Variants in AMZ1 observed in about 807,000 individuals in gnomAD.
AMZ1 encodes archaemetzincin-1.
AMZ1 carries 39 observed loss-of-function variants against 29.9 expected under a neutral mutation model. The ratio of observed to expected loss-of-function variants is 1.30; its 90% CI spans 1.01 to 1.70. AMZ1 has a LOEUF of 1.70. Among genes scored for constraint, AMZ1 ranks in the 40% most tolerant of loss-of-function variants. AMZ1 has a pLI of 0.00. For synonymous variants in AMZ1, 458 were observed against 304.0 expected, an observed-to-expected ratio of 1.51 and a Z score of -5.27; for missense variants, 1,041 against 680.6, an observed-to-expected ratio of 1.53 and a Z score of -5.89.
In AMZ1 at chr7:2,710,195, G is replaced by A. The variant is rs532119462; in HGVS notation, c.948+379G>A. 1.5e-3 allele frequency among the ~76,000 whole-genome samples: 215 copies of A among 139,860 alleles called. 1 individual carries two copies. The highest frequency in any genetic ancestry group is 2.5e-3 in the Non-Finnish European group (164 of 66,438). 91.8% of individuals were successfully genotyped at this position (139,860 alleles called of 152,430 possible). The stretch of plus-strand genomic sequence containing the variant: ...CACACTTGGGTCACTGCTGCTCAGA[G>A]GAGGCACAGGCCCCTTGCGAGGAGG... On this transcript the variant is annotated intron_variant, in intron 6 of 6. Transcript: ENST00000683327.
intron 4 of AMZ1, among the ~76,000 whole-genome samples, chr7:2,749,550 T>A (rs1444988505): frequency 6.6e-6 from 1 of 151,436 alleles, no homozygotes; most frequent in Admixed American, 6.6e-5. Context: ...TTAGGAGATA[T>A]ACCTAATGCT....
downstream of AMZ1, among the ~76,000 whole-genome samples, chr7:2,722,920 G>A (rs564269746): frequency 6.9e-4 from 105 of 152,178 alleles, no homozygotes; most frequent in African/African-American, 2.4e-3. Flanking sequence ...TTGAGGCTGC[G>A]ATGAGCTATG....
rs1197638906 is a variant in AMZ1, at chr7:2,717,153, G to A, written c.*4275G>A. Among the ~76,000 whole-genome samples, 4 of 152,322 alleles carry A rather than the reference G, an allele frequency of 2.6e-5. No homozygotes were observed. Among genetic ancestry groups the A allele is most frequent in the Admixed American group, 2.6e-4 (4 of 15,296 alleles). On this transcript the variant is annotated 3_prime_UTR_variant, in exon 7 of 7. Transcript: ENST00000683327. ...TCGGACTCTGAGGAGAGGCCTGGGT[G>A]GGTGGCCGGCACTCTTAGGTGAGGT...
Position 2,733,000 on chromosome 7 carries a change from C to G in AMZ1, n.550+23184C>G, listed in dbSNP as rs115417894. ...GGAATTACTGCCAATTTTTCAGGAGCCATACGGTACTGCGGTTGTCATTTT... is the reference window on the plus strand; with the variant it reads ...GGAATTACTGCCAATTTTTCAGGAGGCATACGGTACTGCGGTTGTCATTTT... On this transcript the variant is annotated intron_variant and non_coding_transcript_variant, in intron 4 of 4. Coordinates refer to the AMZ1 transcript ENST00000489665. Among the ~76,000 whole-genome samples, 785 of 152,242 alleles carry G rather than the reference C, an allele frequency of 5.2e-3. 7 individuals carry two copies. Among genetic ancestry groups the G allele is most frequent in the African/African-American group, 0.018 (740 of 41,534 alleles).
At chr7:2,709,908 G>C (rs566258952) in intron 6 of AMZ1, 92 bp downstream of exon 6, 6 of 1,516,102 alleles carry the variant, frequency 4.0e-6, no homozygotes, top group Non-Finnish European at 3.6e-6. Flanking sequence ...CATGGGGACC[G>C]CACACAGGCT....
chr7:2,691,369 T>C (rs929215661), intron 1 of AMZ1, among the ~76,000 whole-genome samples: 2 of 148,088 alleles, frequency 1.4e-5, no homozygotes, highest in Admixed American at 6.6e-5. Flanking sequence ...TGGCTTTCCC[T>C]CTCTGAGCCT....
At chr7:2,735,669 G>A (rs1790134020) in intron 4 of AMZ1, among the ~76,000 whole-genome samples, 1 of 152,174 alleles carries the variant, frequency 6.6e-6, no homozygotes, top group South Asian at 2.1e-4. Context: ...AATGAGGATG[G>A]CTCATTTAAC....
rs1032158351 is a variant in AMZ1 at position 2,717,969 on chromosome 7, C to T, written c.*5091C>T. Among the ~76,000 whole-genome samples, 4 of 152,214 alleles carry T rather than the reference C, an allele frequency of 2.6e-5. No individual in the cohort carries two copies. The highest frequency in any genetic ancestry group is 7.2e-5 in the African/African-American group (3 of 41,446). On this transcript the variant is annotated 3_prime_UTR_variant, in exon 7 of 7. Coordinates refer to ENST00000683327, the MANE Select transcript of AMZ1 (RefSeq NM_001384743.1). The stretch of plus-strand genomic sequence containing the variant: ...GGCAAATCCAAATAGTCACCGGAGT[C>T]GAGCAAACACGGCGGCCCCTGCCTC...
chr7:2,695,059 C>T (rs1041785758), intron 1 of AMZ1, among the ~76,000 whole-genome samples: 3 of 152,196 alleles, frequency 2.0e-5, no homozygotes, highest in East Asian at 1.9e-4. Context: ...AACCACTGAT[C>T]GTGCATCTCA....
intron 4 of AMZ1, among the ~76,000 whole-genome samples, chr7:2,758,265 C>T (rs1469203289): frequency 6.6e-6 from 1 of 152,244 alleles, no homozygotes; most frequent in Non-Finnish European, 1.5e-5. Context: ...GTGGCTCACA[C>T]TGTAATCCTA....
intron 1 of AMZ1, among the ~76,000 whole-genome samples, chr7:2,680,486 C>T (rs1163641479): frequency 2.0e-5 from 3 of 152,198 alleles, no homozygotes; most frequent in East Asian, 1.9e-4. Flanking sequence ...AAGAGGGAGC[C>T]GGGCACGTCC....
At chr7:2,711,012 T>C (rs1026648589) in intron 6 of AMZ1, among the ~76,000 whole-genome samples, 4 of 152,144 alleles carry the variant, frequency 2.6e-5, no homozygotes, top group Non-Finnish European at 4.4e-5. Flanking sequence ...TGCAACCATC[T>C]GACATGAACT....
intron 4 of AMZ1, among the ~76,000 whole-genome samples, chr7:2,754,388 C>T (rs987450115): frequency 2.0e-5 from 3 of 152,104 alleles, no homozygotes; most frequent in East Asian, 3.9e-4. Context: ...AGTCCTTTGT[C>T]GGATATGTAG....
chr7:2,753,559 C>G (rs745475036), intron 4 of AMZ1, among the ~76,000 whole-genome samples: 1 of 152,120 alleles, frequency 6.6e-6, no homozygotes, highest in South Asian at 2.1e-4. Flanking sequence ...ATGGTCTGAA[C>G]GTGCCGCAGT....
intron 6 of AMZ1, among the ~76,000 whole-genome samples, chr7:2,711,255 T>A (rs1340768064): frequency 2.0e-5 from 3 of 152,172 alleles, no homozygotes; most frequent in Non-Finnish European, 4.4e-5. Flanking sequence ...TCACCTGCTG[T>A]CCCAGGGCTT....
At chr7:2,709,054 C>T (rs777125703) in intron 4 of AMZ1, 21 bp from the exon 5 acceptor site, 3 of 1,551,980 alleles carry the variant, frequency 1.9e-6, no homozygotes, top group African/African-American at 2.8e-5. Flanking sequence ...TGAGAGTGCC[C>T]TTCTCTCCAT....
At chr7:2,757,760 T>A (rs148681956) in intron 4 of AMZ1, among the ~76,000 whole-genome samples, 18 of 152,334 alleles carry the variant, frequency 1.2e-4, no homozygotes, top group Admixed American at 8.5e-4. Flanking sequence ...AATGTCATCT[T>A]CCCTGCACAT....
chr7:2,755,640 T>C (rs188794096), intron 4 of AMZ1, among the ~76,000 whole-genome samples: 152 of 152,366 alleles, frequency 1.0e-3, no homozygotes, highest in Non-Finnish European at 1.2e-4. Context: ...CTATGACTTT[T>C]CTGGTAGATT....
intron 5 of AMZ1, 23 bp from the exon 6 acceptor site, chr7:2,709,617 G>A: frequency 1.9e-6 from 3 of 1,602,876 alleles, no homozygotes; most frequent in Non-Finnish European, 2.6e-6. Flanking sequence ...GTGAGGCAAG[G>A]TGCTTGGTGG....
Sources: allele counts gnomAD v4.1 joint callset (sites outside exome capture counted in the v4.1 genomes callset), GRCh38; gene constraint gnomAD v4.1.1; transcripts MANE v1.5; gene names NCBI Gene and HGNC (gene_info 2026-07-23, HGNC 2026-07-21).